The following C12orf42 variants were observed in gnomAD, a reference collection of about 807,000 sequenced individuals.
The protein encoded by C12orf42 is uncharacterized protein C12orf42.
A neutral mutation model predicts 21.6 loss-of-function variants in C12orf42; 25 were observed. The ratio of observed to expected loss-of-function variants is 1.16; its 90% CI spans 0.84 to 1.62. The LOEUF (loss-of-function observed/expected upper bound fraction) is 1.62. Ranked by LOEUF, C12orf42 falls within the 40% of genes most tolerant of loss-of-function variation. The pLI is 0.00. For synonymous variants in C12orf42, 174 were observed against 175.0 expected, an observed-to-expected ratio of 0.99 and a Z score of 0.05; for missense variants, 483 against 459.3, an observed-to-expected ratio of 1.05 and a Z score of -0.47.
the C12orf42 span, among the ~76,000 whole-genome samples, chr12:103,059,514 C>T: frequency 6.6e-6 from 1 of 152,034 alleles, no homozygotes; most frequent in African/African-American, 2.4e-5. Flanking sequence ...ACCTGGCAGG[C>T]ACACAACGAA....
At position 103,284,451 on chromosome 12, in the gene C12orf42, C is replaced by A. The variant is rs533930813; in HGVS notation, n.338-7241G>T. On this transcript the variant is annotated intron_variant and non_coding_transcript_variant, in intron 4 of 6. Coordinates refer to the C12orf42 transcript ENST00000546526. Reference sequence around the variant, plus strand: ...AAGGATGAGTGACTGACATTGTCTGCCCACAGGTAGCTCTCTGAGCCTGGT... The same window carrying A: ...AAGGATGAGTGACTGACATTGTCTGACCACAGGTAGCTCTCTGAGCCTGGT... Among the ~76,000 whole-genome samples the A allele has an allele frequency of 4.6e-5, 7 of 152,236 alleles. No individual in the cohort carries two copies. In the South Asian group the frequency reaches 1.5e-3, roughly 32 times the overall value.
chr12:103,509,079 C>T, the C12orf42 span, among the ~76,000 whole-genome samples: 35 of 152,194 alleles, frequency 2.3e-4, no homozygotes, highest in African/African-American at 6.7e-4. Flanking sequence ...TAATAGGTGA[C>T]GGAGGTGGTG....
chr12:103,275,090 A>C (rs1235777539), intron 5 of C12orf42, among the ~76,000 whole-genome samples: 5 of 152,186 alleles, frequency 3.3e-5, no homozygotes, highest in Non-Finnish European at 7.3e-5. Context: ...GTTGAATTTC[A>C]ATCCTTAAAT....
chr12:103,122,407 C>T, the C12orf42 span, among the ~76,000 whole-genome samples: 1 of 151,696 alleles, frequency 6.6e-6, no homozygotes, highest in Non-Finnish European at 1.5e-5. Context: ...TTCATTCATT[C>T]ATTCATTTGA....
intron 4 of C12orf42, among the ~76,000 whole-genome samples, chr12:103,312,566 T>C (rs1004617653): frequency 3.3e-5 from 5 of 152,236 alleles, no homozygotes; most frequent in African/African-American, 1.2e-4. Flanking sequence ...ACCAACATTC[T>C]TAACCGTGTC....
the C12orf42 span, among the ~76,000 whole-genome samples, chr12:103,066,228 T>A: frequency 6.6e-6 from 1 of 152,226 alleles, no homozygotes; most frequent in Non-Finnish European, 1.5e-5. Context: ...TATCATAAAC[T>A]GGGTGCTTTC....
chr12:103,117,041 G>A, the C12orf42 span, among the ~76,000 whole-genome samples: 1 of 152,068 alleles, frequency 6.6e-6, no homozygotes, highest in Non-Finnish European at 1.5e-5. Context: ...TTTGTGTTGG[G>A]AACTTCAGTA....
At chr12:103,550,250 A>G in the C12orf42 span, among the ~76,000 whole-genome samples, 3 of 152,168 alleles carry the variant, frequency 2.0e-5, no homozygotes, top group East Asian at 5.8e-4. Context: ...ATAAACATGC[A>G]AAAAGAATAT....
At chr12:103,523,335 C>T in the C12orf42 span, among the ~76,000 whole-genome samples, 1 of 152,044 alleles carries the variant, frequency 6.6e-6, no homozygotes, top group Non-Finnish European at 1.5e-5. Flanking sequence ...CAAATAAAAA[C>T]TCATTCTAAA....
chr12:103,449,118 GATA>G (rs1951770422), intron 2 of C12orf42, among the ~76,000 whole-genome samples: 1 of 151,690 alleles, frequency 6.6e-6, no homozygotes, highest in Non-Finnish European at 1.5e-5. Context: ...TAGATAGATA[GATA>G]GATAGATAGA....
At chr12:103,265,203 CT>C (rs1173915192), downstream of C12orf42, among the ~76,000 whole-genome samples, 1 of 152,160 alleles carries the variant, frequency 6.6e-6, no homozygotes, top group African/African-American at 2.4e-5. Flanking sequence ...GTCCCACCCC[CT>C]AATACCATCA....
the C12orf42 span, among the ~76,000 whole-genome samples, chr12:103,110,163 C>T: frequency 2.6e-5 from 4 of 152,158 alleles, no homozygotes; most frequent in Non-Finnish European, 5.9e-5. Flanking sequence ...CCCACATGTC[C>T]ATCAGCAGAG....
chr12:103,304,833 C>A (rs765970432), intron 5 of C12orf42, among the ~76,000 whole-genome samples: 2 of 152,188 alleles, frequency 1.3e-5, no homozygotes, highest in East Asian at 1.9e-4. Flanking sequence ...GGTCTCCCAG[C>A]CCCCTGCTTG....
the C12orf42 span, among the ~76,000 whole-genome samples, chr12:103,118,658 C>G: frequency 1.9e-3 from 289 of 150,376 alleles, no homozygotes; most frequent in Middle Eastern, 0.021. Flanking sequence ...ATTAGCCAGG[C>G]GTGGTGGTGG....
chr12:103,405,708 T>C (rs2138793444), intron 2 of C12orf42, among the ~76,000 whole-genome samples: 1 of 152,312 alleles, frequency 6.6e-6, no homozygotes, highest in Admixed American at 6.5e-5. Flanking sequence ...ATACTTGCTT[T>C]GCCTCTGAGA....
chr12:103,354,332 A>G (rs1281886620), intron 4 of C12orf42, among the ~76,000 whole-genome samples: 1 of 152,152 alleles, frequency 6.6e-6, no homozygotes, highest in Non-Finnish European at 1.5e-5. Context: ...GACTAGCCCA[A>G]GTAAAAGAGA....
At chr12:103,388,655 C>T (rs1164239312) in intron 3 of C12orf42, among the ~76,000 whole-genome samples, 1 of 152,198 alleles carries the variant, frequency 6.6e-6, no homozygotes, top group Non-Finnish European at 1.5e-5. Flanking sequence ...ACCTTTTCTA[C>T]TCTACTGCTC....
intron 4 of C12orf42, among the ~76,000 whole-genome samples, chr12:103,333,752 C>T (rs1234598838): frequency 6.6e-6 from 1 of 152,058 alleles, no homozygotes; most frequent in Non-Finnish European, 1.5e-5. Flanking sequence ...AAAATTTGGC[C>T]TGTAATTCTT....
chr12:103,369,765 C>T (rs538932606), intron 3 of C12orf42, among the ~76,000 whole-genome samples: 2 of 152,128 alleles, frequency 1.3e-5, no homozygotes, highest in South Asian at 4.2e-4. Context: ...AAACCTAAAA[C>T]TATAAAAACC....
Sources: gnomAD v4.1 joint callset for allele counts (sites outside exome capture counted in the v4.1 genomes callset) on GRCh38, gnomAD v4.1.1 for gene constraint, MANE v1.5 for transcripts, NCBI Gene and HGNC (gene_info 2026-07-23, HGNC 2026-07-21) for gene names.